The following UGT8 variants were observed in gnomAD, a reference collection of about 807,000 sequenced individuals.
UGT8 encodes the protein 2-hydroxyacylsphingosine 1-beta-galactosyltransferase.
In UGT8, 12 loss-of-function variants were observed where a neutral mutation model predicts 40.5. The observed-to-expected ratio is 0.30, with a 90% CI of 0.19 to 0.48. The LOEUF (loss-of-function observed/expected upper bound fraction) is 0.48. Among genes scored for constraint, UGT8 ranks in the 20% least tolerant of loss-of-function variants. The pLI is 0.99. For missense variants in UGT8, 513 were observed against 648.7 expected (o/e 0.79, Z 2.27); for synonymous variants, 224 against 240.4 (o/e 0.93, Z 0.63).
intron 3 of UGT8, 141 bp downstream of exon 3, chr4:114,664,278 C>T: frequency 1.1e-6 from 1 of 938,214 alleles, no homozygotes; most frequent in Non-Finnish European, 1.6e-6. Flanking sequence ...TGTTTCTTAG[C>T]TTGTTGAAAT....
At chr4:114,600,689 C>T (rs2126081120) in intron 1 of UGT8, among the ~76,000 whole-genome samples, 1 of 152,126 alleles carries the variant, frequency 6.6e-6, no homozygotes, top group East Asian at 1.9e-4. Flanking sequence ...ACTTTGTCCC[C>T]AGGAGATTTT....
intron 1 of UGT8, among the ~76,000 whole-genome samples, chr4:114,610,537 A>AT (rs1560667085): frequency 6.6e-6 from 1 of 152,200 alleles, no homozygotes; most frequent in Non-Finnish European, 1.5e-5. Context: ...ACCTGTTAGT[A>AT]AAGGAACATC....
chr4:114,636,453 A>T (rs1732892460), intron 2 of UGT8, among the ~76,000 whole-genome samples: 1 of 152,214 alleles, frequency 6.6e-6, no homozygotes, highest in Admixed American at 6.5e-5. Flanking sequence ...ATACAATACC[A>T]TTTCTGTTTG....
chr4:114,600,649 C>T (rs1464946271), intron 1 of UGT8, among the ~76,000 whole-genome samples: 1 of 152,042 alleles, frequency 6.6e-6, no homozygotes, highest in Non-Finnish European at 1.5e-5. Context: ...TATCTTTAAC[C>T]AATATTTTAA....
At chr4:114,651,859 A>G (rs1175957468) in intron 2 of UGT8, among the ~76,000 whole-genome samples, 2 of 152,152 alleles carry the variant, frequency 1.3e-5, no homozygotes, top group African/African-American at 4.8e-5. Flanking sequence ...ATAAACTCTT[A>G]TGAGTTGATG....
intron 2 of UGT8, among the ~76,000 whole-genome samples, chr4:114,632,353 A>G (rs1318560280): frequency 6.6e-6 from 1 of 152,206 alleles, no homozygotes; most frequent in African/African-American, 2.4e-5. Flanking sequence ...TCATTTACAT[A>G]TAGTATTTCA....
intron 2 of UGT8, among the ~76,000 whole-genome samples, chr4:114,662,541 C>G (rs1278353958): frequency 6.6e-6 from 1 of 152,056 alleles, no homozygotes; most frequent in South Asian, 2.1e-4. Context: ...TCTTCCCTAC[C>G]AGATAATGGT....
intron 2 of UGT8, among the ~76,000 whole-genome samples, chr4:114,641,763 C>A (rs576742552): frequency 6.6e-6 from 1 of 152,156 alleles, no homozygotes; most frequent in African/African-American, 2.4e-5. Flanking sequence ...ATTTTTGGAA[C>A]CTGAAACAGA....
rs190204748 is a variant in UGT8 at position 114,601,010 on chromosome 4, A to G, written c.-3+2036A>G. Among the ~76,000 whole-genome samples the G allele has an allele frequency of 4.6e-3, 706 of 152,324 alleles. 3 individuals carry two copies. The highest frequency in any genetic ancestry group is 8.3e-3 in the Non-Finnish European group (562 of 68,022). Reference sequence around the variant, plus strand: ...TGCCCCGATATTTAGTAAAGGCTTGATACTCTATTAGGAGGTTGGGCATAA... The same window carrying G: ...TGCCCCGATATTTAGTAAAGGCTTGGTACTCTATTAGGAGGTTGGGCATAA... On this transcript the variant is annotated intron_variant, in intron 1 of 5. Transcript: ENST00000310836.
chr4:114,622,788 G>T (rs1731902275), intron 1 of UGT8, 91 bp from the exon 2 acceptor site: 4 of 1,168,100 alleles, frequency 3.4e-6, no homozygotes, highest in African/African-American at 3.1e-5. Flanking sequence ...TATTAGATCA[G>T]ATATTTTTGG....
At chr4:114,628,883 G>C (rs1732408605) in intron 2 of UGT8, among the ~76,000 whole-genome samples, 1 of 150,738 alleles carries the variant, frequency 6.6e-6, no homozygotes, top group African/African-American at 2.4e-5. Flanking sequence ...TTGAGCAACA[G>C]AGTTATTAGA....
intron 2 of UGT8, among the ~76,000 whole-genome samples, chr4:114,626,049 T>C (rs1413800500): frequency 6.6e-6 from 1 of 152,186 alleles, no homozygotes; most frequent in African/African-American, 2.4e-5. Flanking sequence ...ATTATTATTA[T>C]TGGAAGTCTA....
chr4:114,645,210 T>C (rs919526309), intron 2 of UGT8, among the ~76,000 whole-genome samples: 1 of 152,204 alleles, frequency 6.6e-6, no homozygotes, highest in Non-Finnish European at 1.5e-5. Context: ...AGGATAAGCA[T>C]CAAGAGTTTC....
rs908694246 is a variant in UGT8, at chr4:114,665,512, A to G, written c.966-168A>G. 1.2e-5 allele frequency: 12 copies of G among 962,736 alleles called. No homozygotes were observed. The African/African-American group carries it at 1.9e-4, about 16-fold the overall frequency. The allele number at this position is 962,736 out of a possible 1,614,324, so 59.6% of individuals were successfully genotyped here. A position where few individuals can be genotyped will look rare whatever the true frequency, so the allele number is the denominator to read the frequency against. ...TCCAACCAGTGAAAGTTTTTATTAA[A>G]AAGAAACTTAATCAAATATTTGCTG... is the stretch of plus-strand genomic sequence containing the variant. On this transcript the variant is annotated intron_variant, in intron 3 of 5. Transcript: ENST00000310836.
At chr4:114,600,417 A>G (rs371297394) in intron 1 of UGT8, among the ~76,000 whole-genome samples, 69 of 152,346 alleles carry the variant, frequency 4.5e-4, no homozygotes, top group African/African-American at 1.6e-3. Context: ...AAAAACGTCT[A>G]TATTCACTCA....
At chr4:114,659,886 A>G (rs1734412225) in intron 2 of UGT8, among the ~76,000 whole-genome samples, 2 of 152,246 alleles carry the variant, frequency 1.3e-5, no homozygotes, top group African/African-American at 4.8e-5. Flanking sequence ...ACAGAGATGG[A>G]TAGATCATTG....
intron 2 of UGT8, among the ~76,000 whole-genome samples, chr4:114,659,248 C>T (rs1302357663): frequency 6.6e-6 from 1 of 152,156 alleles, no homozygotes; most frequent in Non-Finnish European, 1.5e-5. Flanking sequence ...CCATAAAAGA[C>T]TTCAAACAGA....
At chr4:114,619,134 G>A (rs954459616) in intron 1 of UGT8, among the ~76,000 whole-genome samples, 1 of 151,642 alleles carries the variant, frequency 6.6e-6, no homozygotes, top group East Asian at 1.9e-4. Flanking sequence ...ATTAAATTTC[G>A]AACAAAACCC....
At position 114,622,934 on chromosome 4, in the gene UGT8, G is replaced by C. The variant is rs542236085; in HGVS notation, c.54G>C (p.Ala18=). 4 of 1,614,036 alleles carry C rather than the reference G, an allele frequency of 2.5e-6. No homozygotes were observed. Among genetic ancestry groups the C allele is most frequent in the Admixed American group, 1.7e-5 (1 of 59,990 alleles). Residue 18 remains alanine, a synonymous_variant, in exon 2 of 6, where the codon GCG becomes GCC. Transcript: ENST00000310836. ...TCCTGTGGAGTGCTGTTGGGATAGC[G>C]AAGGCTGCCAAAATCATCATCGTGC... is the stretch of plus-strand genomic sequence containing the variant. The part of the protein sequence containing the change: ...FILLWSAVGI[A]KAAKIIIVPP...
Sources: gnomAD v4.1 joint callset for allele counts (sites outside exome capture counted in the v4.1 genomes callset) on GRCh38, gnomAD v4.1.1 for gene constraint, MANE v1.5 for transcripts, NCBI Gene and HGNC (gene_info 2026-07-23, HGNC 2026-07-21) for gene names.